The following EYA1 variants were observed in gnomAD, a reference collection of about 807,000 sequenced individuals.
The protein encoded by EYA1 is protein phosphatase EYA1.
EYA1 carries 16 observed loss-of-function variants against 82.0 expected under a neutral mutation model. The ratio of observed to expected loss-of-function variants is 0.20; its 90% CI spans 0.13 to 0.30. The LOEUF is 0.30. Among genes scored for constraint, EYA1 ranks in the 10% least tolerant of loss-of-function variants. The pLI is 1.00. For synonymous variants in EYA1, 261 were observed against 264.4 expected, an observed-to-expected ratio of 0.99 and a Z score of 0.12; for missense variants, 633 against 730.7, an observed-to-expected ratio of 0.87 and a Z score of 1.54.
intron 12 of EYA1, among the ~76,000 whole-genome samples, chr8:71,229,127 A>G (rs1810906507): frequency 6.6e-6 from 1 of 152,062 alleles, no homozygotes; most frequent in Non-Finnish European, 1.5e-5. Flanking sequence ...AACCTTACCA[A>G]TGTGCCCATC....
chr8:71,295,983 A>G (rs1819553924), intron 9 of EYA1, among the ~76,000 whole-genome samples: 1 of 152,216 alleles, frequency 6.6e-6, no homozygotes, highest in African/African-American at 2.4e-5. Context: ...TGAGTAGGCA[A>G]TAAATAAATT....
At chr8:71,545,760 A>T (rs1309279378) in intron 1 of EYA1, among the ~76,000 whole-genome samples, 1 of 151,206 alleles carries the variant, frequency 6.6e-6, no homozygotes, top group African/African-American at 2.4e-5. Flanking sequence ...GCAGGGTTTC[A>T]CCCGTTAGCC....
chr8:71,341,721 T>A (rs948605120), intron 3 of EYA1, among the ~76,000 whole-genome samples: 1 of 152,174 alleles, frequency 6.6e-6, no homozygotes, highest in Non-Finnish European at 1.5e-5. Context: ...AAAGTTAAGG[T>A]CATCTTCTTT....
intron 2 of EYA1, among the ~76,000 whole-genome samples, chr8:71,403,006 G>C (rs1339301307): frequency 1.7e-4 from 26 of 152,164 alleles, no homozygotes; most frequent in Admixed American, 1.6e-3. Flanking sequence ...GATATCATTT[G>C]TGCAAGCTTT....
chr8:71,291,582 T>G (rs1454756503), intron 9 of EYA1, among the ~76,000 whole-genome samples: 1 of 152,198 alleles, frequency 6.6e-6, no homozygotes, highest in Non-Finnish European at 1.5e-5. Context: ...TCCTAAAAAC[T>G]AATTATCTTT....
intron 2 of EYA1, among the ~76,000 whole-genome samples, chr8:71,507,587 C>A (rs548240104): frequency 6.6e-6 from 1 of 152,320 alleles, no homozygotes; most frequent in African/African-American, 2.4e-5. Context: ...ATTATTCTTA[C>A]AGCATTGTCT....
intron 12 of EYA1, among the ~76,000 whole-genome samples, chr8:71,243,534 TA>T (rs1386260678): frequency 6.6e-6 from 1 of 152,164 alleles, no homozygotes; most frequent in Non-Finnish European, 1.5e-5. Context: ...AGAGAAAAAA[TA>T]AAGCATATTT....
At chr8:71,478,547 A>G (rs1809850039) in intron 2 of EYA1, among the ~76,000 whole-genome samples, 1 of 152,214 alleles carries the variant, frequency 6.6e-6, no homozygotes, top group Non-Finnish European at 1.5e-5. Flanking sequence ...GAGCTTCATA[A>G]GGATTAAAGT....
chr8:71,372,153 G>A (rs1018843961), intron 2 of EYA1, among the ~76,000 whole-genome samples: 3 of 151,924 alleles, frequency 2.0e-5, no homozygotes, highest in African/African-American at 4.8e-5. Context: ...GATATTATTC[G>A]GAAATTTCAG....
At chr8:71,529,893 A>G (rs1442924045) in intron 2 of EYA1, 3 of 152,192 alleles carry the variant, frequency 2.0e-5, no homozygotes, top group Non-Finnish European at 4.4e-5. Context: ...AGCTCATGGT[A>G]AGTTCCATTA....
intron 2 of EYA1, among the ~76,000 whole-genome samples, chr8:71,454,184 A>G (rs1033492311): frequency 6.9e-4 from 105 of 152,236 alleles, no homozygotes; most frequent in Non-Finnish European, 1.4e-3. Context: ...AGGCCATTAC[A>G]TAATGGTAAT....
At chr8:71,513,397 G>A (rs1165582775) in intron 2 of EYA1, among the ~76,000 whole-genome samples, 3 of 152,080 alleles carry the variant, frequency 2.0e-5, no homozygotes, top group Non-Finnish European at 4.4e-5. Context: ...TCAATAGTCT[G>A]TTTAAAATTG....
At chr8:71,476,718 A>C (rs2129207114) in intron 2 of EYA1, among the ~76,000 whole-genome samples, 1 of 152,228 alleles carries the variant, frequency 6.6e-6, no homozygotes, top group Admixed American at 6.5e-5. Context: ...AGAAATAGAT[A>C]AGTTGTTCCT....
At chr8:71,441,048 C>G (rs1806396947) in intron 2 of EYA1, among the ~76,000 whole-genome samples, 1 of 151,940 alleles carries the variant, frequency 6.6e-6, no homozygotes, top group African/African-American at 2.4e-5. Flanking sequence ...CAAAAATAGA[C>G]CCAAGTATAT....
chr8:71,382,021 A>G (rs879197161), intron 2 of EYA1, among the ~76,000 whole-genome samples: 1 of 152,232 alleles, frequency 6.6e-6, no homozygotes, highest in Non-Finnish European at 1.5e-5. Flanking sequence ...TTTTCATTAT[A>G]CATCACAACC....
chr8:71,215,763 T>G (rs1385766713), intron 14 of EYA1, 35 bp from the exon 15 acceptor site: 3 of 1,389,756 alleles, frequency 2.2e-6, no homozygotes, highest in Non-Finnish European at 3.1e-6. Flanking sequence ...AACTACTTCC[T>G]GACCAACATA....
chr8:71,412,344 C>G (rs1194792948), intron 2 of EYA1, among the ~76,000 whole-genome samples: 1 of 146,488 alleles, frequency 6.8e-6, no homozygotes, highest in African/African-American at 2.5e-5. Context: ...CTAACCTGCA[C>G]AATGTGCACA....
At chr8:71,513,145 G>A (rs969878905) in intron 2 of EYA1, among the ~76,000 whole-genome samples, 6 of 152,088 alleles carry the variant, frequency 3.9e-5, no homozygotes, top group Admixed American at 1.3e-4. Context: ...AAATCAATGA[G>A]CATATAGCTC....
At chr8:71,447,763 C>T (rs546316625) in intron 2 of EYA1, among the ~76,000 whole-genome samples, 104 of 152,264 alleles carry the variant, frequency 6.8e-4, no homozygotes, top group Admixed American at 1.8e-3. Context: ...ACAATGTACA[C>T]ACCTCAATTA....
Sources: gnomAD v4.1 joint callset for allele counts (sites outside exome capture counted in the v4.1 genomes callset) on GRCh38, gnomAD v4.1.1 for gene constraint, MANE v1.5 for transcripts, NCBI Gene and HGNC (gene_info 2026-07-23, HGNC 2026-07-21) for gene names.